TBL3: variants seen among roughly 807,000 people sequenced by gnomAD.
TBL3 encodes transducin beta-like protein 3.
In TBL3, 71 loss-of-function variants were observed where a neutral mutation model predicts 102.7. That is an observed-to-expected ratio of 0.69 (90% CI 0.57 to 0.84). The LOEUF (loss-of-function observed/expected upper bound fraction) is 0.84, where lower values mean the gene tolerates loss of function less well. Ranked by LOEUF, TBL3 falls within the 40% of genes least tolerant of loss-of-function variation. The probability of loss-of-function intolerance (pLI) is 0.00; values close to 1 mark genes in which losing one functional copy is unlikely to be tolerated. For synonymous variants in TBL3, 578 were observed against 477.7 expected (o/e 1.21, Z -2.74); for missense variants, 1,188 against 1,098.5 (o/e 1.08, Z -1.15).
chr16:1,978,708 C>A lies in TBL3; in HGVS notation c.*23C>A. The A allele has an allele frequency of 6.3e-7, 1 of 1,592,786 alleles. No individual in the cohort carries two copies. The highest frequency in any genetic ancestry group is 8.6e-7 in the Non-Finnish European group (1 of 1,164,902). The stretch of plus-strand genomic sequence containing the variant: ...TAGCCGGTCCGGCCTCTCTCCAGTC[C>A]ATCCTGAACCCCTGGAAAACCCATA... On this transcript the variant is annotated 3_prime_UTR_variant, in exon 22 of 22. Coordinates refer to ENST00000568546, the MANE Select transcript of TBL3 (RefSeq NM_006453.3).
Position 1,980,523 on chromosome 16 carries a change from ACGCGT to A in TBL3, c.*1840_*1844del, listed in dbSNP as rs1284156842. ...CGCCAGGCCGCGGCTCGTGCGCCCC[ACGCGT>A]CCCAACAGTGGTGCATCTTAAGGCA... On this transcript the variant is annotated 3_prime_UTR_variant, in exon 22 of 22. Coordinates refer to ENST00000568546, the MANE Select transcript of TBL3 (RefSeq NM_006453.3). 1 of 1,603,192 alleles carries A rather than the reference ACGCGT, an allele frequency of 6.2e-7. No individual in the cohort carries two copies. The highest frequency in any genetic ancestry group is 8.5e-7 in the Non-Finnish European group (1 of 1,178,848).
chr16:1,974,149 C>T, intron 2 of TBL3, 42 bp downstream of exon 2: 1 of 1,565,252 alleles, frequency 6.4e-7, no homozygotes, highest in South Asian at 1.2e-5. Context: ...CAGCCAGAGG[C>T]CGCGGGGGGT....
chr16:1,974,952 T>C lies in TBL3; in HGVS notation c.489T>C (p.Pro163=). The C allele has an allele frequency of 6.2e-7, 1 of 1,610,700 alleles. No individual in the cohort carries two copies. Among genetic ancestry groups the C allele is most frequent in the Non-Finnish European group, 8.5e-7 (1 of 1,179,968 alleles). Residue 163 remains proline, a synonymous_variant, in exon 7 of 22, where the codon CCT becomes CCC. Coordinates refer to ENST00000568546, the MANE Select transcript of TBL3 (RefSeq NM_006453.3). ...VVHLVAFHPD[P]TRLLLFSSAT... ...GCCTAGTGGCCTTCCACCCGGACCCTACACGCCTGCTGCTCTTCTCCTCGG... is the reference window on the plus strand; with the variant it reads ...GCCTAGTGGCCTTCCACCCGGACCCCACACGCCTGCTGCTCTTCTCCTCGG...
In TBL3 at chr16:1,977,947, C is replaced by G; in HGVS notation, c.1959-11C>G. On this transcript the variant is annotated splice_polypyrimidine_tract_variant and intron_variant, in intron 18 of 21. Coordinates refer to ENST00000568546, the MANE Select transcript of TBL3 (RefSeq NM_006453.3). The stretch of plus-strand genomic sequence containing the variant: ...AGCGGCCCTCAGTGGCCTCTCCTCC[C>G]CTCCCCACAGGCAGCAAGAGCTGGA... 1 of 1,592,328 alleles carries G rather than the reference C, an allele frequency of 6.3e-7. No individual in the cohort carries two copies. Among genetic ancestry groups the G allele is most frequent in the Admixed American group, 1.7e-5 (1 of 58,370 alleles).
chr16:1,976,008 C>T (rs769980168), intron 11 of TBL3, 48 bp from the exon 12 acceptor site: 2 of 1,614,130 alleles, frequency 1.2e-6, no homozygotes, highest in Non-Finnish European at 1.7e-6. Flanking sequence ...TGCTTGCTTC[C>T]CTTCCCCCGT....
In TBL3 at chr16:1,975,396, G is replaced by A. The variant is rs750140983; in HGVS notation, c.763G>A (p.Val255Met). The A allele has an allele frequency of 1.9e-6, 3 of 1,614,020 alleles. No individual in the cohort carries two copies. The highest frequency in any genetic ancestry group is 4.5e-5 in the East Asian group (2 of 44,888). Residue 255 changes from valine to methionine, a missense_variant, in exon 9 of 22, where the codon GTG becomes ATG. Val to Met is a conservative substitution (Grantham distance 21). Coordinates refer to ENST00000568546, the MANE Select transcript of TBL3 (RefSeq NM_006453.3). ...LPEEPVSQLGVKSPGLYFLTA... is the reference protein window; with the variant it reads ...LPEEPVSQLGMKSPGLYFLTA... ...AGAGGAGCCAGTGTCCCAGCTGGGT[G>A]TGAAGTCCCCAGGGCTGTACTTTCT...
rs766261960 is a variant in TBL3 at position 1,976,050 on chromosome 16, T to C, written c.1130-6T>C. ...GTGTGACCTATACCTCCCCACAACA[T>C]CTCAGATATCGTCCTGGCCCTGGAT... On this transcript the variant is annotated splice_polypyrimidine_tract_variant and splice_region_variant and intron_variant, in intron 11 of 21. Coordinates refer to ENST00000568546, the MANE Select transcript of TBL3 (RefSeq NM_006453.3). 3.1e-6 allele frequency: 5 copies of C among 1,614,020 alleles called. No homozygotes were observed. The highest frequency in any genetic ancestry group is 1.1e-5 in the South Asian group (1 of 91,094).
Position 1,981,011 on chromosome 16 carries a change from G to A in TBL3, c.*2326G>A, listed in dbSNP as rs1222904031. On this transcript the variant is annotated 3_prime_UTR_variant, in exon 22 of 22. Coordinates refer to ENST00000568546, the MANE Select transcript of TBL3 (RefSeq NM_006453.3). ...TGCCGTCTGACCAGCGCACAGAGAA[G>A]GCAAACGTCTGGGGGACAAAAAGTT... 2.5e-6 allele frequency: 4 copies of A among 1,613,238 alleles called. No homozygotes were observed. The highest frequency in any genetic ancestry group is 3.3e-5 in the Admixed American group (2 of 60,012).
At chr16:1,977,902 C>G in intron 18 of TBL3, 56 bp from the exon 19 acceptor site, 1 of 1,593,956 alleles carries the variant, frequency 6.3e-7, no homozygotes, top group Non-Finnish European at 8.6e-7. Context: ...ACTCCGATGG[C>G]TCTGCCTGCA....
In TBL3 at chr16:1,979,401, C is replaced by T. The variant is rs774965007; in HGVS notation, c.*716C>T. On this transcript the variant is annotated 3_prime_UTR_variant, in exon 22 of 22. Transcript: ENST00000568546. The stretch of plus-strand genomic sequence containing the variant: ...CCCCGCCCGCCTCGGCTAGCCTGCC[C>T]TGCCCACGCCCGCTCCCGCGTACCT... The T allele has an allele frequency of 5.0e-6, 8 of 1,601,842 alleles. No homozygotes were observed. In the East Asian group the frequency reaches 1.3e-4, roughly 27 times the overall value.
chr16:1,979,093 C>A lies in TBL3; in HGVS notation c.*408C>A. Reference sequence around the variant, plus strand: ...GGGTGCGGCACAGAGTCCACGCACCCTCGAGGGCGGCCCTGGCGCCGTGGG... The same window carrying A: ...GGGTGCGGCACAGAGTCCACGCACCATCGAGGGCGGCCCTGGCGCCGTGGG... On this transcript the variant is annotated 3_prime_UTR_variant, in exon 22 of 22. Transcript: ENST00000568546. 6.6e-7 allele frequency: 1 copy of A among 1,510,040 alleles called. No homozygotes were observed. The highest frequency in any genetic ancestry group is 2.4e-5 in the Admixed American group (1 of 41,410). 93.5% of individuals were successfully genotyped at this position (1,510,040 alleles called of 1,614,324 possible). A position where few individuals can be genotyped will look rare whatever the true frequency, so the allele number is the denominator to read the frequency against.
In TBL3 at chr16:1,978,032, G is replaced by A. The variant is rs199732186; in HGVS notation, c.2033G>A (p.Arg678Gln). 4.8e-5 allele frequency: 77 copies of A among 1,605,764 alleles called. No individual in the cohort carries two copies. The highest frequency in any genetic ancestry group is 8.4e-5 in the Admixed American group (5 of 59,302). ...RALGLAISLD[R>Q]PHTVLTVIQA... ...CTGGGCCTGGCCATCTCCCTGGATC[G>A]GCCCCACACCGTGCTGACTGTCATC... Residue 678 changes from arginine (R) to glutamine (Q), a missense_variant, in exon 19 of 22, where the codon CGG becomes CAG. Coordinates refer to ENST00000568546, the MANE Select transcript of TBL3 (RefSeq NM_006453.3).
rs1227067165 is a variant in TBL3, at chr16:1,981,184, G to A, written c.*2499G>A. The A allele has an allele frequency of 1.5e-5, 24 of 1,613,498 alleles. No homozygotes were observed. In the East Asian group the frequency reaches 5.3e-4, roughly 36 times the overall value. ...TGGGTATCGGGGGCCTGCCATGGCT[G>A]TGGCTTCCAGGCTGCAGATTCCTGA... On this transcript the variant is annotated 3_prime_UTR_variant, in exon 22 of 22. Coordinates refer to ENST00000568546, the MANE Select transcript of TBL3 (RefSeq NM_006453.3).
rs776297421 is a variant in TBL3 at position 1,978,205 on chromosome 16, C to T, written c.2119C>T (p.Arg707Trp). The T allele has an allele frequency of 6.3e-5, 101 of 1,612,698 alleles. No individual in the cohort carries two copies. Among genetic ancestry groups the T allele is most frequent in the South Asian group, 4.5e-4 (41 of 91,086 alleles). ...GCTGGAAGCCACCATGCTCCGACTG[C>T]GGCGCGACCAGAAAGGTTGGCGGCC... ...EKLEATMLRL[R>W]RDQKEALLRF... is the part of the protein sequence containing the mutation. The change falls in exon 20 of 22, where the codon CGG becomes TGG. Residue 707 changes from arginine (R) to tryptophan (W), a missense_variant. Coordinates refer to ENST00000568546, the MANE Select transcript of TBL3 (RefSeq NM_006453.3).
chr16:1,977,953 C>A lies in TBL3; in HGVS notation c.1959-5C>A, dbSNP rs749590436. The stretch of plus-strand genomic sequence containing the variant: ...CCTCAGTGGCCTCTCCTCCCCTCCC[C>A]ACAGGCAGCAAGAGCTGGACAACCT... On this transcript the variant is annotated splice_region_variant and splice_polypyrimidine_tract_variant and intron_variant, in intron 18 of 21. Transcript: ENST00000568546. The A allele has an allele frequency of 5.1e-5, 82 of 1,593,462 alleles. No individual in the cohort carries two copies. In the South Asian group the frequency reaches 9.2e-4, roughly 18 times the overall value.
At position 1,974,103 on chromosome 16, in the gene TBL3, C is replaced by T; in HGVS notation, c.89C>T (p.Ala30Val). The change falls in exon 2 of 22, where the codon GCA becomes GTA. Residue 30 changes from alanine to valine, a missense_variant. Ala to Val is a moderately conservative substitution (Grantham distance 64, BLOSUM62 0). Transcript: ENST00000568546. ...KIEPFYKGGK[A>V]QLDQTGQHLF... Reference sequence around the variant, plus strand: ...GAGCCTTTCTACAAGGGCGGAAAAGCACAGGTACCAGCCTGGGGAAGGGCA... The same window carrying T: ...GAGCCTTTCTACAAGGGCGGAAAAGTACAGGTACCAGCCTGGGGAAGGGCA... The T allele has an allele frequency of 3.2e-6, 5 of 1,586,056 alleles. No individual in the cohort carries two copies. Among genetic ancestry groups the T allele is most frequent in the Non-Finnish European group, 4.3e-6 (5 of 1,160,976 alleles).
At position 1,972,252 on chromosome 16, in the gene TBL3, A is replaced by C. The variant is rs1035025388; in HGVS notation, c.41+47A>C. 8 of 1,306,370 alleles carry C rather than the reference A, an allele frequency of 6.1e-6. No individual in the cohort carries two copies. In the African/African-American group the frequency reaches 1.2e-4, roughly 20 times the overall value. The allele number at this position is 1,306,370 out of a possible 1,614,324, so 80.9% of individuals were successfully genotyped here. ...CGTGCGGGGAGGGAGCTGGGTTTGCAGCCGGCATAGCGGAGGCGCGCGTGG... is the reference window on the plus strand; with the variant it reads ...CGTGCGGGGAGGGAGCTGGGTTTGCCGCCGGCATAGCGGAGGCGCGCGTGG... On this transcript the variant is annotated intron_variant, in intron 1 of 21. Transcript: ENST00000568546.
chr16:1,974,365 C>G lies in TBL3; in HGVS notation c.190-11C>G. 2 of 1,607,214 alleles carry G rather than the reference C, an allele frequency of 1.2e-6. No individual in the cohort carries two copies. Among genetic ancestry groups the G allele is most frequent in the African/African-American group, 1.3e-5 (1 of 74,964 alleles). Reference sequence around the variant, plus strand: ...CTCACACCGTGCTCGGCACACCACTCTTTCTCCTAGGAGGACCAGGAGGAC... The same window carrying G: ...CTCACACCGTGCTCGGCACACCACTGTTTCTCCTAGGAGGACCAGGAGGAC... On this transcript the variant is annotated splice_polypyrimidine_tract_variant and intron_variant, in intron 3 of 21. Coordinates refer to ENST00000568546, the MANE Select transcript of TBL3 (RefSeq NM_006453.3).
In TBL3 at chr16:1,978,951, A is replaced by G. The variant is rs2083433242; in HGVS notation, c.*266A>G. The G allele has an allele frequency of 1.6e-6, 2 of 1,238,328 alleles. No individual in the cohort carries two copies. The highest frequency in any genetic ancestry group is 1.4e-5 in the South Asian group (1 of 72,038). 76.7% of individuals were successfully genotyped at this position (1,238,328 alleles called of 1,614,324 possible). A position where few individuals can be genotyped will look rare whatever the true frequency, so the allele number is the denominator to read the frequency against. On this transcript the variant is annotated 3_prime_UTR_variant, in exon 22 of 22. Transcript: ENST00000568546. ...ACAAGCTTTACTCAGAGGAACAGCA[A>G]ATGGCCCCCTCCCATCCCTGCTGGC...
Sources: gnomAD v4.1 joint callset for allele counts on GRCh38, gnomAD v4.1.1 for gene constraint, MANE v1.5 for transcripts, NCBI Gene and HGNC (gene_info 2026-07-23, HGNC 2026-07-21) for gene names.